Variants in ZC3H12B observed in about 807,000 individuals in gnomAD.
ZC3H12B encodes the protein probable ribonuclease ZC3H12B.
In ZC3H12B, 7 loss-of-function variants were observed where a neutral mutation model predicts 43.9. That is an observed-to-expected ratio of 0.16 (90% CI 0.09 to 0.30). The LOEUF (loss-of-function observed/expected upper bound fraction) is 0.30. Ranked by LOEUF, ZC3H12B falls within the 10% of genes least tolerant of loss-of-function variation. ZC3H12B has a pLI of 1.00. For missense variants in ZC3H12B, 475 were observed against 670.2 expected, an observed-to-expected ratio of 0.71 and a Z score of 3.22; for synonymous variants, 222 against 241.7, an observed-to-expected ratio of 0.92 and a Z score of 0.76.
the ZC3H12B span, among the ~76,000 whole-genome samples, chrX:65,310,771 A>G: frequency 2.7e-5 from 3 of 111,985 alleles, no homozygotes; most frequent in Admixed American, 2.8e-4. Flanking sequence ...AGTAACCAAA[A>G]CAGCATGGTA....
chrX:65,145,221 TA>T, the ZC3H12B span, among the ~76,000 whole-genome samples: 4 of 95,229 alleles, frequency 4.2e-5, no homozygotes, highest in Admixed American at 5.2e-4. Context: ...TATCATTATA[TA>T]ATGTCCCTCT....
chrX:65,329,514 A>T, the ZC3H12B span, among the ~76,000 whole-genome samples: 1 of 88,880 alleles, frequency 1.1e-5, no homozygotes, highest in Non-Finnish European at 1.9e-5. Flanking sequence ...GTTCACTCTG[A>T]CGGAAGTTTC....
intron 3 of ZC3H12B, among the ~76,000 whole-genome samples, chrX:65,403,799 G>T (rs1056729193): frequency 1.8e-5 from 2 of 111,696 alleles, no homozygotes; most frequent in African/African-American, 3.3e-5. Flanking sequence ...ATTCATAAGA[G>T]ACCTGTCCTA....
At chrX:65,291,711 A>G in the ZC3H12B span, among the ~76,000 whole-genome samples, 1 of 112,321 alleles carries the variant, frequency 8.9e-6, no homozygotes, top group African/African-American at 3.2e-5. Flanking sequence ...ATTAAATTCT[A>G]GATATCTACA....
chrX:65,274,969 T>C, the ZC3H12B span, among the ~76,000 whole-genome samples: 1 of 112,001 alleles, frequency 8.9e-6, no homozygotes, highest in African/African-American at 3.2e-5. Flanking sequence ...CCATCCCTGG[T>C]AGACACACCC....
chrX:65,097,130 A>G, the ZC3H12B span, among the ~76,000 whole-genome samples: 5 of 112,118 alleles, frequency 4.5e-5, no homozygotes, highest in African/African-American at 1.6e-4. Flanking sequence ...CATTTCTCCA[A>G]GTTGACATGA....
the ZC3H12B span, among the ~76,000 whole-genome samples, chrX:65,291,564 G>A: frequency 8.9e-6 from 1 of 112,103 alleles, no homozygotes; most frequent in East Asian, 2.8e-4. Flanking sequence ...ATTACTATAT[G>A]CTTCTACTTA....
At chrX:65,317,881 A>T in the ZC3H12B span, among the ~76,000 whole-genome samples, 17 of 103,271 alleles carry the variant, frequency 1.6e-4, no homozygotes, top group African/African-American at 5.6e-4. Context: ...ATATATATAC[A>T]TATATGTATA....
the ZC3H12B span, among the ~76,000 whole-genome samples, chrX:65,199,850 T>C: frequency 3.6e-5 from 4 of 109,829 alleles, no homozygotes; most frequent in African/African-American, 1.0e-4. Context: ...CAATCTATCA[T>C]TGATGGACAT....
intron 1 of ZC3H12B, among the ~76,000 whole-genome samples, 196 bp from the exon 4 acceptor site, chrX:65,368,633 A>T (rs187378051): frequency 6.0e-4 from 67 of 112,359 alleles, no homozygotes; most frequent in Non-Finnish European, 1.0e-3. Context: ...TGTATAAAAG[A>T]CTAAAAAAGT....
intron 2 of ZC3H12B, among the ~76,000 whole-genome samples, chrX:65,397,196 C>T (rs1030132014): frequency 2.7e-5 from 3 of 111,975 alleles, no homozygotes; most frequent in Admixed American, 9.4e-5. Context: ...AGCCCATTTA[C>T]ATTTAACATT....
chrX:65,335,812 C>A, the ZC3H12B span, among the ~76,000 whole-genome samples: 1 of 111,803 alleles, frequency 8.9e-6, no homozygotes. Flanking sequence ...ACGACATGAA[C>A]CCCAAAATTC....
intron 3 of ZC3H12B, among the ~76,000 whole-genome samples, chrX:65,456,753 G>C (rs900378888): frequency 7.3e-5 from 8 of 109,183 alleles, no homozygotes; most frequent in African/African-American, 2.7e-4. Flanking sequence ...GCTCAATGGT[G>C]CCCAGGCTGG....
At chrX:65,212,119 G>A in the ZC3H12B span, among the ~76,000 whole-genome samples, 2 of 50,204 alleles carry the variant, frequency 4.0e-5, no homozygotes, top group Non-Finnish European at 3.2e-5. Context: ...ATAATATATA[G>A]TATATAATAT....
At chrX:65,471,644 T>C (rs1376633034) in intron 3 of ZC3H12B, among the ~76,000 whole-genome samples, 1 of 108,746 alleles carries the variant, frequency 9.2e-6, no homozygotes, top group Non-Finnish European at 1.9e-5. Context: ...AGAGACGGGG[T>C]TTCACCATAT....
chrX:65,169,456 A>G, the ZC3H12B span, among the ~76,000 whole-genome samples: 1 of 112,048 alleles, frequency 8.9e-6, no homozygotes, highest in Admixed American at 9.5e-5. Flanking sequence ...ACTTCCAACT[A>G]TATGGTCAAT....
At chrX:65,453,320 T>C (rs1269103452) in intron 3 of ZC3H12B, among the ~76,000 whole-genome samples, 1 of 91,211 alleles carries the variant, frequency 1.1e-5, no homozygotes. Flanking sequence ...CGCACAATTC[T>C]CAATTCTCAA....
At chrX:65,212,170 AATATTAT>A in the ZC3H12B span, among the ~76,000 whole-genome samples, 7 of 48,895 alleles carry the variant, frequency 1.4e-4, no homozygotes, top group East Asian at 2.4e-3. Flanking sequence ...TATAATATAT[AATATTAT>A]ATATTATATA....
chrX:65,380,769 C>T (rs991654873), intron 2 of ZC3H12B, among the ~76,000 whole-genome samples: 1 of 111,405 alleles, frequency 9.0e-6, no homozygotes, highest in Non-Finnish European at 1.9e-5. Context: ...GAAGATCTAC[C>T]AAACAAATGG....
Sources: gnomAD v4.1 joint callset for allele counts (sites outside exome capture counted in the v4.1 genomes callset) on GRCh38, gnomAD v4.1.1 for gene constraint, MANE v1.5 for transcripts, NCBI Gene and HGNC (gene_info 2026-07-23, HGNC 2026-07-21) for gene names.